Variants in OGDHL observed in about 807,000 individuals in gnomAD.
OGDHL encodes the protein 2-oxoglutarate dehydrogenase-like, mitochondrial.
A neutral mutation model predicts 109.6 loss-of-function variants in OGDHL; 79 were observed. The observed-to-expected ratio is 0.72, with a 90% CI of 0.60 to 0.87. The LOEUF is 0.87. OGDHL is among the 40% of genes least tolerant of loss of function. The probability of loss-of-function intolerance (pLI) is 0.00; values close to 1 mark genes in which losing one functional copy is unlikely to be tolerated. For synonymous variants in OGDHL, 528 were observed against 537.2 expected, an observed-to-expected ratio of 0.98 and a Z score of 0.24; for missense variants, 1,275 against 1,362.2, an observed-to-expected ratio of 0.94 and a Z score of 1.01.
At chr10:49,753,532 C>T (rs972852974) in intron 3 of OGDHL, among the ~76,000 whole-genome samples, 3 of 152,172 alleles carry the variant, frequency 2.0e-5, no homozygotes, top group Admixed American at 2.0e-4. Context: ...GGAACATTCC[C>T]TAAAGACAAA....
chr10:49,742,829 T>G lies in OGDHL; in HGVS notation c.2011A>C (p.Ser671Arg). Residue 671 changes from serine (S) to arginine (R), a missense_variant and splice_region_variant, in exon 15 of 23, where the codon AGT becomes CGT. Coordinates refer to ENST00000374103, the MANE Select transcript of OGDHL (RefSeq NM_018245.3). ...GATGCTGAGCCCCACTGCGCTCACC[T>G]GAATGTGCCCCTCTCCACATCCTGC... ...SGQDVERGTFSHRHHVLHDQE... is the reference protein window; with the variant it reads ...SGQDVERGTFRHRHHVLHDQE... 4 of 1,612,352 alleles carry G rather than the reference T, an allele frequency of 2.5e-6. No individual in the cohort carries two copies. Among genetic ancestry groups the G allele is most frequent in the Non-Finnish European group, 3.4e-6 (4 of 1,179,642 alleles).
chr10:49,761,579 G>C (rs1467087599), intron 1 of OGDHL, among the ~76,000 whole-genome samples: 1 of 152,236 alleles, frequency 6.6e-6, no homozygotes, highest in African/African-American at 2.4e-5. Flanking sequence ...AGACACTGGG[G>C]AGGGGCTGCT....
chr10:49,743,845 A>G lies in OGDHL; in HGVS notation c.1861+149T>C, dbSNP rs527927957. The G allele has an allele frequency of 7.5e-6, 7 of 931,424 alleles. No homozygotes were observed. In the African/African-American group the frequency reaches 1.2e-4, roughly 16 times the overall value. The allele number at this position is 931,424 out of a possible 1,614,324, so 57.7% of individuals were successfully genotyped here. On this transcript the variant is annotated intron_variant, in intron 14 of 22. Coordinates refer to ENST00000374103, the MANE Select transcript of OGDHL (RefSeq NM_018245.3). ...TGAAAAGAGCTACTGTCACGGGCAC[A>G]GACATGGTGCCGAGAGCTACGTGGA... is the stretch of plus-strand genomic sequence containing the variant.
intron 22 of OGDHL, 24 bp downstream of exon 22, chr10:49,735,999 G>A (rs368247839): frequency 6.9e-4 from 1,068 of 1,542,570 alleles, no homozygotes; most frequent in Non-Finnish European, 8.6e-4. Flanking sequence ...GAGGTGAGGG[G>A]CAATCAGCGG....
chr10:49,748,747 C>A (rs1385896214), intron 8 of OGDHL, among the ~76,000 whole-genome samples: 1 of 134,732 alleles, frequency 7.4e-6, no homozygotes, highest in African/African-American at 2.6e-5. Context: ...TGGGTCCACA[C>A]ACACACACAC....
chr10:49,743,064 A>C (rs1564533946), intron 14 of OGDHL, 86 bp from the exon 15 acceptor site: 9 of 1,487,588 alleles, frequency 6.1e-6, no homozygotes. Flanking sequence ...ACCCCGCACA[A>C]AGCAGGGCAG....
intron 1 of OGDHL, among the ~76,000 whole-genome samples, chr10:49,760,316 C>G: frequency 6.6e-6 from 1 of 152,214 alleles, no homozygotes; most frequent in Non-Finnish European, 1.5e-5. Flanking sequence ...AGCCCTAGAG[C>G]GCGGGGCACT....
chr10:49,755,841 CTTG>C (rs1236251030), intron 3 of OGDHL, among the ~76,000 whole-genome samples: 2 of 152,226 alleles, frequency 1.3e-5, no homozygotes, highest in Non-Finnish European at 2.9e-5. Context: ...GTTTTACATC[CTTG>C]TTCTTCATTT....
intron 22 of OGDHL, 52 bp from the exon 23 acceptor site, chr10:49,735,403 A>G: frequency 1.3e-6 from 2 of 1,591,530 alleles, no homozygotes; most frequent in Non-Finnish European, 1.7e-6. Context: ...CCGCCCCCCA[A>G]CCGCTGCCCT....
At chr10:49,756,712 C>T (rs1842937645) in intron 3 of OGDHL, 64 bp downstream of exon 3, 1 of 1,485,694 alleles carries the variant, frequency 6.7e-7, no homozygotes, top group African/African-American at 1.4e-5. Flanking sequence ...CCCTTCCCTT[C>T]AGTGCCTGGC....
rs1022874782 is a variant in OGDHL, at chr10:49,740,599, C to T, written c.2140+111G>A. On this transcript the variant is annotated intron_variant, in intron 16 of 22. Coordinates refer to ENST00000374103, the MANE Select transcript of OGDHL (RefSeq NM_018245.3). Reference sequence around the variant, plus strand: ...ATCCCCCAGGGCCATCCCCTAAGGGCCTCTGAGCATCTCTCGCCCCTCCCA... The same window carrying T: ...ATCCCCCAGGGCCATCCCCTAAGGGTCTCTGAGCATCTCTCGCCCCTCCCA... The T allele has an allele frequency of 6.0e-6, 8 of 1,339,600 alleles. No homozygotes were observed. In the Admixed American group the frequency reaches 1.7e-4, roughly 28 times the overall value. The allele number at this position is 1,339,600 out of a possible 1,614,324, so 83.0% of individuals were successfully genotyped here.
At chr10:49,737,506 G>T (rs143327247) in intron 20 of OGDHL, among the ~76,000 whole-genome samples, 1 of 152,192 alleles carries the variant, frequency 6.6e-6, no homozygotes, top group South Asian at 2.1e-4. Context: ...AATATCTTGC[G>T]AACTCAGCAG....
Position 49,746,764 on chromosome 10 carries a change from C to T in OGDHL, c.1282G>A (p.Val428Ile), listed in dbSNP as rs139763836. The T allele has an allele frequency of 1.2e-5, 20 of 1,614,082 alleles. No individual in the cohort carries two copies. In the African/African-American group the frequency reaches 1.3e-4, roughly 11 times the overall value. The change falls in exon 10 of 23, where the codon GTC becomes ATC. Residue 428 changes from valine (V) to isoleucine (I), a missense_variant. Physicochemically the swap from Val to Ile is conservative, Grantham distance 29. Transcript: ENST00000374103. Reference sequence around the variant, plus strand: ...TACATGCTCACCTGGTTGTTGACGACGACGTGCACGGTACCATTGGTCGTG... The same window carrying T: ...TACATGCTCACCTGGTTGTTGACGATGACGTGCACGGTACCATTGGTCGTG... The part of the protein sequence containing the change: ...SYTTNGTVHV[V>I]VNNQIGFTTD...
In OGDHL at chr10:49,743,041, G is replaced by A. The variant is rs570375928; in HGVS notation, c.1862-63C>T. ...AGCCAGCCCTGGGGCGGGTAGGTAG[G>A]TGCTCAGCACACACCCCGCACAAAG... is the stretch of plus-strand genomic sequence containing the variant. On this transcript the variant is annotated intron_variant, in intron 14 of 22. Transcript: ENST00000374103. 3.2e-6 allele frequency: 5 copies of A among 1,578,830 alleles called. No individual in the cohort carries two copies. The African/African-American group carries it at 5.4e-5, about 17-fold the overall frequency.
chr10:49,742,862 G>A lies in OGDHL; in HGVS notation c.1978C>T (p.Leu660Phe). 1 of 1,613,714 alleles carries A rather than the reference G, an allele frequency of 6.2e-7. No homozygotes were observed. The highest frequency in any genetic ancestry group is 8.5e-7 in the Non-Finnish European group (1 of 1,179,898). ...SLLKEGIHVRLSGQDVERGTF... is the reference protein window; with the variant it reads ...SLLKEGIHVRFSGQDVERGTF... Reference sequence around the variant, plus strand: ...CCCCTCTCCACATCCTGCCCGCTGAGCCGCACGTGGATGCCTTCCTTCAGC... The same window carrying A: ...CCCCTCTCCACATCCTGCCCGCTGAACCGCACGTGGATGCCTTCCTTCAGC... The change falls in exon 15 of 23, where the codon CTC becomes TTC. Residue 660 changes from leucine to phenylalanine, a missense_variant. By Grantham distance (22) the Leu-to-Phe change is conservative. Transcript: ENST00000374103.
chr10:49,740,052 T>C (rs1841532133), intron 16 of OGDHL, among the ~76,000 whole-genome samples: 2 of 152,112 alleles, frequency 1.3e-5, no homozygotes, highest in South Asian at 2.1e-4. Context: ...AGCCCTGCTA[T>C]CATGTGTGGT....
intron 15 of OGDHL, among the ~76,000 whole-genome samples, chr10:49,741,944 T>A (rs1281415914): frequency 1.6e-4 from 14 of 86,400 alleles, no homozygotes; most frequent in East Asian, 4.9e-4. Flanking sequence ...ACAAACACAA[T>A]CACACACACC....
intron 2 of OGDHL, among the ~76,000 whole-genome samples, chr10:49,757,918 C>A (rs919260841): frequency 5.9e-5 from 9 of 152,338 alleles, no homozygotes; most frequent in South Asian, 2.1e-4. Context: ...AGCTTTCTGA[C>A]TGTGTAACTT....
intron 17 of OGDHL, chr10:49,738,814 A>T (rs1841416693): frequency 6.4e-6 from 1 of 156,416 alleles, no homozygotes; most frequent in Non-Finnish European, 1.4e-5. Flanking sequence ...GGGCATCTCC[A>T]AGCCAGCTCC....
Sources: gnomAD v4.1 joint callset for allele counts (sites outside exome capture counted in the v4.1 genomes callset) on GRCh38, gnomAD v4.1.1 for gene constraint, MANE v1.5 for transcripts, NCBI Gene and HGNC (gene_info 2026-07-23, HGNC 2026-07-21) for gene names.